Variants in DAB1 observed in about 807,000 individuals in gnomAD.
The protein encoded by DAB1 is DAB adaptor protein 1.
In DAB1, 15 loss-of-function variants were observed where a neutral mutation model predicts 64.6. The ratio of observed to expected loss-of-function variants is 0.23; its 90% confidence interval spans 0.16 to 0.36. DAB1 has a LOEUF of 0.36. DAB1 is among the 10% of genes least tolerant of loss of function. The pLI is 1.00. For missense variants in DAB1, 596 were observed against 706.7 expected (o/e 0.84, Z 1.78); for synonymous variants, 235 against 251.9 (o/e 0.93, Z 0.64).
chr1:57,609,158 G>C (rs1645695494), intron 7 of DAB1, among the ~76,000 whole-genome samples: 1 of 152,126 alleles, frequency 6.6e-6, no homozygotes, highest in African/African-American at 2.4e-5. Context: ...GAGGCTGGAA[G>C]CTTTCCTGAA....
chr1:57,363,788 A>G (rs565437497), intron 1 of DAB1, among the ~76,000 whole-genome samples: 2 of 152,114 alleles, frequency 1.3e-5, no homozygotes, highest in Non-Finnish European at 2.9e-5. Context: ...GACATCTAGA[A>G]ATAAGAAGTG....
intron 1 of DAB1, among the ~76,000 whole-genome samples, chr1:57,851,344 G>A (rs1010225134): frequency 2.0e-5 from 3 of 152,182 alleles, no homozygotes; most frequent in Admixed American, 6.5e-5. Flanking sequence ...TCACTTTGAC[G>A]TTGATTTCTG....
intron 7 of DAB1, among the ~76,000 whole-genome samples, chr1:57,545,475 G>A (rs1269913632): frequency 2.6e-5 from 4 of 152,162 alleles, no homozygotes; most frequent in Admixed American, 2.6e-4. Context: ...GAAGTTCCAT[G>A]TGCTGGGAAC....
intron 4 of DAB1, among the ~76,000 whole-genome samples, chr1:58,266,329 G>A (rs187919216): frequency 1.6e-3 from 238 of 152,192 alleles, no homozygotes; most frequent in Non-Finnish European, 2.0e-3. Flanking sequence ...TTCTACACAG[G>A]GCTCAGCAAG....
At chr1:57,711,367 T>A (rs1370346114) in intron 6 of DAB1, among the ~76,000 whole-genome samples, 2 of 152,228 alleles carry the variant, frequency 1.3e-5, no homozygotes, top group East Asian at 3.8e-4. Flanking sequence ...TCCCTCCCTT[T>A]GGATTTCATA....
At chr1:58,526,622 A>G (rs887560559) in intron 2 of DAB1, among the ~76,000 whole-genome samples, 1 of 147,684 alleles carries the variant, frequency 6.8e-6, no homozygotes, top group South Asian at 2.1e-4. Flanking sequence ...AAAAAAAGCC[A>G]TCTGCTACAA....
chr1:57,111,221 C>T (rs1489195954), intron 4 of DAB1, among the ~76,000 whole-genome samples: 1 of 152,100 alleles, frequency 6.6e-6, no homozygotes, highest in Non-Finnish European at 1.5e-5. Flanking sequence ...CTGAGCCCCT[C>T]TCCAGCCCTC....
chr1:57,009,928 T>C (rs544765163), intron 14 of DAB1, among the ~76,000 whole-genome samples: 1 of 152,222 alleles, frequency 6.6e-6, no homozygotes, highest in Admixed American at 6.5e-5. Flanking sequence ...GCAATCCACA[T>C]GCTGCAGCAC....
chr1:58,314,661 G>A (rs1020077226), intron 4 of DAB1, among the ~76,000 whole-genome samples: 4 of 152,130 alleles, frequency 2.6e-5, no homozygotes, highest in Admixed American at 6.5e-5. Context: ...AAAGTGAAGT[G>A]ATTTGCCAAA....
intron 1 of DAB1, among the ~76,000 whole-genome samples, chr1:57,873,117 G>A (rs57386386): frequency 0.31 from 47,607 of 151,830 alleles, 7,791 homozygotes; most frequent in African/African-American, 0.36. Flanking sequence ...GATCATAAAG[G>A]GTCTTAGGTG....
intron 3 of DAB1, among the ~76,000 whole-genome samples, chr1:58,454,461 C>G (rs1244449731): frequency 6.6e-6 from 1 of 152,086 alleles, no homozygotes; most frequent in African/African-American, 2.4e-5. Flanking sequence ...GACCCAAACT[C>G]AGAGTTCACC....
intron 6 of DAB1, among the ~76,000 whole-genome samples, chr1:57,808,653 T>C (rs1651478633): frequency 1.3e-5 from 2 of 152,226 alleles, no homozygotes; most frequent in South Asian, 2.1e-4. Flanking sequence ...AATACTCTTA[T>C]TTTGATAATT....
intron 1 of DAB1, among the ~76,000 whole-genome samples, chr1:57,309,722 A>C (rs1413651434): frequency 6.6e-6 from 1 of 152,224 alleles, no homozygotes; most frequent in Non-Finnish European, 1.5e-5. Context: ...GAGATGAAAA[A>C]AAAATTAAGT....
At chr1:57,678,710 C>A (rs538622003) in intron 6 of DAB1, among the ~76,000 whole-genome samples, 229 of 150,786 alleles carry the variant, frequency 1.5e-3, no homozygotes, top group Non-Finnish European at 2.4e-3. Flanking sequence ...CCAAGCATCT[C>A]GCTTAGTATT....
chr1:58,010,261 A>G (rs1354685795), intron 5 of DAB1, among the ~76,000 whole-genome samples: 1 of 152,190 alleles, frequency 6.6e-6, no homozygotes, highest in Non-Finnish European at 1.5e-5. Context: ...TCAAGGCCAC[A>G]GACTTAGTTG....
chr1:57,261,118 C>A (rs1670148129), intron 2 of DAB1, among the ~76,000 whole-genome samples: 1 of 152,074 alleles, frequency 6.6e-6, no homozygotes, highest in African/African-American at 2.4e-5. Context: ...CACTCCCACC[C>A]TCCCAATTTG....
At chr1:57,711,751 T>A (rs1464273551) in intron 6 of DAB1, among the ~76,000 whole-genome samples, 3 of 152,298 alleles carry the variant, frequency 2.0e-5, no homozygotes, top group Middle Eastern at 3.4e-3. Flanking sequence ...CTGTTTCCCA[T>A]ATCAGGAGAT....
chr1:57,381,448 C>T (rs1453228020), intron 1 of DAB1, among the ~76,000 whole-genome samples: 1 of 152,164 alleles, frequency 6.6e-6, no homozygotes, highest in Non-Finnish European at 1.5e-5. Context: ...TCTTAAAATA[C>T]TGATGATGTG....
At chr1:57,180,082 G>A (rs947238713) in intron 2 of DAB1, among the ~76,000 whole-genome samples, 2 of 152,164 alleles carry the variant, frequency 1.3e-5, no homozygotes, top group Non-Finnish European at 2.9e-5. Flanking sequence ...CTACCAAGCT[G>A]TAAATCTTCA....
Sources: gnomAD v4.1 joint callset for allele counts (sites outside exome capture counted in the v4.1 genomes callset) on GRCh38, gnomAD v4.1.1 for gene constraint, MANE v1.5 for transcripts, NCBI Gene and HGNC (gene_info 2026-07-23, HGNC 2026-07-21) for gene names.